The following TRAF3IP1 variants were observed in gnomAD, a reference collection of about 807,000 sequenced individuals.
TRAF3IP1 encodes the protein intraflagellar transport 54.
A neutral mutation model predicts 89.9 loss-of-function variants in TRAF3IP1; 53 were observed. That is an observed-to-expected ratio of 0.59 (90% CI 0.47 to 0.74). The LOEUF (loss-of-function observed/expected upper bound fraction) is 0.74, where lower values mean the gene tolerates loss of function less well. TRAF3IP1 is among the 30% of genes least tolerant of loss of function. The pLI, the probability that TRAF3IP1 is intolerant of heterozygous loss-of-function variation, is 0.00. For synonymous variants in TRAF3IP1, 311 were observed against 322.1 expected (o/e 0.97, Z 0.37); for missense variants, 806 against 866.1 (o/e 0.93, Z 0.87).
At chr2:238,353,974 A>G (rs566620885) in intron 14 of TRAF3IP1, among the ~76,000 whole-genome samples, 18 of 152,268 alleles carry the variant, frequency 1.2e-4, no homozygotes, top group African/African-American at 4.3e-4. Flanking sequence ...GGTTTTCGCT[A>G]CGTTGGCCAG....
At chr2:238,338,601 CAT>C (rs1304382671) in intron 8 of TRAF3IP1, 144 bp downstream of exon 8, 1 of 494,554 alleles carries the variant, frequency 2.0e-6, no homozygotes, top group African/African-American at 2.0e-5. Context: ...GAAGACTGGA[CAT>C]AACTTGAGGT....
At chr2:238,331,058 C>A (rs1032329576) in intron 5 of TRAF3IP1, among the ~76,000 whole-genome samples, 18 of 152,236 alleles carry the variant, frequency 1.2e-4, no homozygotes, top group African/African-American at 4.3e-4. Flanking sequence ...AGGGGTTAAC[C>A]TTCCTCAGCT....
chr2:238,376,618 T>A (rs1700327726), intron 15 of TRAF3IP1, among the ~76,000 whole-genome samples: 1 of 152,222 alleles, frequency 6.6e-6, no homozygotes, highest in Non-Finnish European at 1.5e-5. Flanking sequence ...AGTCTTTTAG[T>A]GAATGTTTAT....
intron 7 of TRAF3IP1, among the ~76,000 whole-genome samples, chr2:238,337,896 G>A (rs1698459549): frequency 6.6e-6 from 1 of 152,154 alleles, no homozygotes; most frequent in Non-Finnish European, 1.5e-5. Flanking sequence ...ATATTGACTT[G>A]GAGATCAGGA....
At chr2:238,325,155 G>A (rs562530524) in intron 1 of TRAF3IP1, 151 bp from the exon 2 acceptor site, 53 of 751,710 alleles carry the variant, frequency 7.1e-5, no homozygotes, top group African/African-American at 6.6e-4. Flanking sequence ...TGCACAGCAC[G>A]TGTAGTAGAC....
rs1005670608 is a variant in TRAF3IP1, at chr2:238,392,951, G to A, written c.1690-4508G>A. ...CAGTTTAGTTAACCAATTACCTATC[G>A]AAGGACACGGGGGTTGTTTCCAGTT... On this transcript the variant is annotated intron_variant, in intron 15 of 16. Transcript: ENST00000373327. Among the ~76,000 whole-genome samples the A allele has an allele frequency of 2.0e-5, 3 of 152,204 alleles. No homozygotes were observed. The South Asian group carries it at 6.2e-4, about 31-fold the overall frequency.
chr2:238,358,481 A>G (rs1699520188), intron 15 of TRAF3IP1, among the ~76,000 whole-genome samples: 1 of 152,172 alleles, frequency 6.6e-6, no homozygotes, highest in Non-Finnish European at 1.5e-5. Flanking sequence ...GGTTGCAGTG[A>G]GCTGTGATTG....
intron 15 of TRAF3IP1, among the ~76,000 whole-genome samples, chr2:238,387,613 CA>C (rs1356751402): frequency 6.6e-6 from 1 of 152,124 alleles, no homozygotes; most frequent in Non-Finnish European, 1.5e-5. Flanking sequence ...TCTATTGGGA[CA>C]TATATAAGAT....
chr2:238,323,081 A>ATTTTTTTTTTTTTTTTTTTT (rs35469985), intron 1 of TRAF3IP1, among the ~76,000 whole-genome samples: 1 of 147,606 alleles, frequency 6.8e-6, no homozygotes. Flanking sequence ...ATTGTTCACA[A>ATTTTTTTTTTTTTTTTTTTT]TTTTTTTTTT....
rs1356712491 is a variant in TRAF3IP1 at position 238,379,790 on chromosome 2, G to A, written c.1690-17669G>A. Among the ~76,000 whole-genome samples the A allele has an allele frequency of 1.3e-5, 2 of 152,142 alleles. No homozygotes were observed. The highest frequency in any genetic ancestry group is 4.8e-5 in the African/African-American group (2 of 41,418). ...AGGCAAAATGTGTAATAATAACACT[G>A]GAGCCAGAATGATAAGGAAATACTG... On this transcript the variant is annotated intron_variant, in intron 15 of 16. Transcript: ENST00000373327. The surrounding 1 kb of genome is among the most constrained non-coding windows in gnomAD (Gnocchi z 4.0).
In TRAF3IP1 at chr2:238,398,716, TGA is replaced by T. The variant is rs776139469; in HGVS notation, c.1911-32_1911-31del. ...ATTAAGAAGCCAACACACAATGAGATGAGAGAGTGATGAGCCGCTGGTTTTGT... is the reference window on the plus strand; with the variant it reads ...ATTAAGAAGCCAACACACAATGAGATGAGAGTGATGAGCCGCTGGTTTTGT... On this transcript the variant is annotated intron_variant, in intron 16 of 16. Transcript: ENST00000373327. The T allele has an allele frequency of 1.1e-5, 17 of 1,537,128 alleles. No individual in the cohort carries two copies. The East Asian group carries it at 3.9e-4, about 35-fold the overall frequency.
intron 15 of TRAF3IP1, among the ~76,000 whole-genome samples, chr2:238,375,295 C>A (rs189473576): frequency 3.9e-5 from 6 of 152,334 alleles, no homozygotes; most frequent in Non-Finnish European, 5.9e-5. Flanking sequence ...CTACACACTG[C>A]TTTAAATGTG....
intron 6 of TRAF3IP1, 112 bp downstream of exon 6, chr2:238,333,007 G>C: frequency 2.6e-6 from 2 of 767,926 alleles, no homozygotes; most frequent in Admixed American, 4.7e-5. Flanking sequence ...CATGGTCTGG[G>C]CCTATCTGTA....
intron 10 of TRAF3IP1, among the ~76,000 whole-genome samples, chr2:238,347,694 C>A (rs1698957757): frequency 6.6e-6 from 1 of 152,126 alleles, no homozygotes; most frequent in African/African-American, 2.4e-5. Context: ...ATGGCATGAT[C>A]TCGGTTCACC....
intron 8 of TRAF3IP1, among the ~76,000 whole-genome samples, chr2:238,339,573 C>T (rs1041268540): frequency 6.6e-6 from 1 of 152,260 alleles, no homozygotes; most frequent in African/African-American, 2.4e-5. Context: ...GACCTCATCT[C>T]TGAGGCCACA....
chr2:238,329,102 G>T lies in TRAF3IP1; in HGVS notation c.675G>T (p.Arg225Ser). The part of the protein sequence containing the change: ...GERERAKARA[R>S]PDNERQKDRG... The stretch of plus-strand genomic sequence containing the variant: ...GAGAGAGAGCCAAAGCCCGGGCCAG[G>T]CCAGACAACGAGCGACAGAAAGACA... The change falls in exon 5 of 17, where the codon AGG becomes AGT. Residue 225 changes from arginine to serine, a missense_variant. Transcript: ENST00000373327. The T allele has an allele frequency of 6.4e-7, 1 of 1,550,792 alleles. No homozygotes were observed. The highest frequency in any genetic ancestry group is 8.7e-7 in the Non-Finnish European group (1 of 1,146,872).
At chr2:238,368,300 T>C (rs1440882323) in intron 15 of TRAF3IP1, among the ~76,000 whole-genome samples, 1 of 152,226 alleles carries the variant, frequency 6.6e-6, no homozygotes, top group Admixed American at 6.5e-5. Context: ...TTATAGGGGA[T>C]ATTTTAGAGT....
At chr2:238,341,897 G>A (rs1488889231) in intron 8 of TRAF3IP1, among the ~76,000 whole-genome samples, 2 of 152,082 alleles carry the variant, frequency 1.3e-5, no homozygotes, top group Non-Finnish European at 2.9e-5. Context: ...TCACCTACAA[G>A]GTTCATTGGT....
At chr2:238,331,762 G>A (rs928223283) in intron 5 of TRAF3IP1, among the ~76,000 whole-genome samples, 1 of 152,174 alleles carries the variant, frequency 6.6e-6, no homozygotes, top group African/African-American at 2.4e-5. Flanking sequence ...CCAGGCAGGT[G>A]TGAGCTGCTG....
Sources: allele counts gnomAD v4.1 joint callset (sites outside exome capture counted in the v4.1 genomes callset), GRCh38; gene constraint gnomAD v4.1.1; non-coding constraint Gnocchi (gnomAD v3.1); transcripts MANE v1.5; gene names NCBI Gene and HGNC (gene_info 2026-07-23, HGNC 2026-07-21).